The following CSRNP3 variants were observed in gnomAD, a reference collection of about 807,000 sequenced individuals.
The protein encoded by CSRNP3 is cysteine/serine-rich nuclear protein 3.
Under a neutral mutation model 48.0 loss-of-function variants are expected in CSRNP3, and 12 were observed. The observed-to-expected ratio is 0.25, with a 90% CI of 0.16 to 0.41. The LOEUF is 0.41. Among genes scored for constraint, CSRNP3 ranks in the 10% least tolerant of loss-of-function variants. The probability of loss-of-function intolerance (pLI) is 1.00; values close to 1 mark genes in which losing one functional copy is unlikely to be tolerated. For synonymous variants in CSRNP3, 263 were observed against 269.7 expected (o/e 0.98, Z 0.24); for missense variants, 580 against 724.4 (o/e 0.80, Z 2.29).
chr2:165,667,101 AGG>A (rs1491465506), intron 5 of CSRNP3, among the ~76,000 whole-genome samples: 6 of 30,458 alleles, frequency 2.0e-4, no homozygotes, highest in Admixed American at 8.2e-4. Flanking sequence ...GAGAGAGAAA[AGG>A]AAGGAAGGAA....
intron 3 of CSRNP3, among the ~76,000 whole-genome samples, chr2:165,579,225 A>C (rs1435261436): frequency 6.6e-6 from 1 of 152,156 alleles, no homozygotes; most frequent in African/African-American, 2.4e-5. Context: ...AGGTTATCCT[A>C]GGTAATACTG....
At chr2:165,658,112 C>A in intron 5 of CSRNP3, 92 bp downstream of exon 5, 1 of 1,392,350 alleles carries the variant, frequency 7.2e-7, no homozygotes, top group South Asian at 1.4e-5. Context: ...ACGAAACAAA[C>A]TGGGCACTTT....
At chr2:165,611,858 T>A (rs1273816225) in intron 4 of CSRNP3, among the ~76,000 whole-genome samples, 1 of 152,140 alleles carries the variant, frequency 6.6e-6, no homozygotes, top group African/African-American at 2.4e-5. Flanking sequence ...TACTTAATTA[T>A]ATATAATTCT....
At chr2:165,668,867 C>T (rs1036514857) in intron 5 of CSRNP3, among the ~76,000 whole-genome samples, 9 of 152,280 alleles carry the variant, frequency 5.9e-5, no homozygotes, top group African/African-American at 2.2e-4. Flanking sequence ...TTTACTCCAA[C>T]TGGTCTTGAA....
At chr2:165,485,010 T>C (rs1409903614) in intron 1 of CSRNP3, among the ~76,000 whole-genome samples, 1 of 152,110 alleles carries the variant, frequency 6.6e-6, no homozygotes, top group African/African-American at 2.4e-5. Flanking sequence ...AACTGATTAT[T>C]CTGTGTCTTA....
intron 4 of CSRNP3, among the ~76,000 whole-genome samples, chr2:165,613,078 A>G (rs1009693444): frequency 6.6e-6 from 1 of 152,056 alleles, no homozygotes. Context: ...TTTTTGCAGC[A>G]CTTGTTATTT....
In CSRNP3 at chr2:165,648,446, A is replaced by G. The variant is rs192685793; in HGVS notation, c.149-9315A>G. Among the ~76,000 whole-genome samples the G allele has an allele frequency of 3.5e-3, 528 of 152,294 alleles. 7 individuals carry two copies. The highest frequency in any genetic ancestry group is 0.012 in the African/African-American group (512 of 41,582). On this transcript the variant is annotated intron_variant, in intron 4 of 6. Coordinates refer to ENST00000651982, the MANE Select transcript of CSRNP3 (RefSeq NM_001172173.2). ...TACATAAGCAGGAGGATCAGTGCTA[A>G]GTCAATTAGATATAAAAATTATTTA...
chr2:165,651,828 G>T (rs1347876413), intron 4 of CSRNP3, among the ~76,000 whole-genome samples: 5 of 151,826 alleles, frequency 3.3e-5, no homozygotes, highest in Non-Finnish European at 7.4e-5. Flanking sequence ...GCTAATTTTT[G>T]TATTTTTAGT....
chr2:165,485,198 A>G (rs752571820), intron 1 of CSRNP3, among the ~76,000 whole-genome samples: 10 of 152,164 alleles, frequency 6.6e-5, no homozygotes, highest in Non-Finnish European at 1.3e-4. Flanking sequence ...GTTTGCTTAG[A>G]TACATAATCA....
At chr2:165,664,758 C>G (rs1687150586) in intron 5 of CSRNP3, among the ~76,000 whole-genome samples, 2 of 152,104 alleles carry the variant, frequency 1.3e-5, no homozygotes, top group South Asian at 4.2e-4. Context: ...TCGGGATGTT[C>G]TTTCCATGGA....
chr2:165,542,596 A>G (rs964973503), intron 3 of CSRNP3, among the ~76,000 whole-genome samples: 1 of 152,160 alleles, frequency 6.6e-6, no homozygotes, highest in Non-Finnish European at 1.5e-5. Context: ...GTATGGATGT[A>G]TCAAAATGTA....
intron 3 of CSRNP3, among the ~76,000 whole-genome samples, chr2:165,594,097 A>G (rs1489155710): frequency 6.6e-6 from 1 of 152,234 alleles, no homozygotes; most frequent in African/African-American, 2.4e-5. Context: ...TTATGTAGAT[A>G]CAAACATTTC....
chr2:165,678,417 A>G (rs1283248892), intron 6 of CSRNP3, among the ~76,000 whole-genome samples: 1 of 152,094 alleles, frequency 6.6e-6, no homozygotes, highest in East Asian at 1.9e-4. Context: ...GGAATACAGA[A>G]AAAAGGGTAG....
At chr2:165,639,978 A>T (rs999698137) in intron 4 of CSRNP3, among the ~76,000 whole-genome samples, 1 of 152,202 alleles carries the variant, frequency 6.6e-6, no homozygotes, top group African/African-American at 2.4e-5. Context: ...CCAAAAAAGT[A>T]TTTAAATTCC....
chr2:165,477,520 T>TATATATATA, intron 1 of CSRNP3, among the ~76,000 whole-genome samples: 1 of 144,904 alleles, frequency 6.9e-6, no homozygotes, highest in African/African-American at 2.5e-5. Context: ...TATATATATA[T>TATATATATA]TAGCCAGGTG....
chr2:165,589,887 G>C (rs867561549), intron 3 of CSRNP3, among the ~76,000 whole-genome samples: 2 of 152,090 alleles, frequency 1.3e-5, no homozygotes, highest in South Asian at 2.1e-4. Context: ...GGGGGAGTAT[G>C]GGGGGAAGAA....
At chr2:165,494,008 T>A (rs1170543725) in intron 1 of CSRNP3, among the ~76,000 whole-genome samples, 1 of 152,128 alleles carries the variant, frequency 6.6e-6, no homozygotes, top group Non-Finnish European at 1.5e-5. Context: ...TAAATTGATG[T>A]AAACAAATTT....
At chr2:165,612,338 A>G (rs573841455) in intron 4 of CSRNP3, among the ~76,000 whole-genome samples, 84 of 152,202 alleles carry the variant, frequency 5.5e-4, no homozygotes, top group African/African-American at 2.0e-3. Flanking sequence ...AGTATCAGTT[A>G]TAACCACCTA....
intron 4 of CSRNP3, among the ~76,000 whole-genome samples, chr2:165,650,119 A>G (rs1444928558): frequency 6.6e-6 from 1 of 152,170 alleles, no homozygotes; most frequent in African/African-American, 2.4e-5. Flanking sequence ...CACCCACGAT[A>G]CTTCTTTAGT....
Sources: allele counts gnomAD v4.1 joint callset (sites outside exome capture counted in the v4.1 genomes callset), GRCh38; gene constraint gnomAD v4.1.1; transcripts MANE v1.5; gene names NCBI Gene and HGNC (gene_info 2026-07-23, HGNC 2026-07-21).